PTPRM: variants seen among roughly 807,000 people sequenced by gnomAD.
PTPRM encodes the protein protein tyrosine phosphatase receptor type M.
A neutral mutation model predicts 186.7 loss-of-function variants in PTPRM; 47 were observed. The observed-to-expected ratio is 0.25, with a 90% confidence interval of 0.20 to 0.32. PTPRM has a LOEUF of 0.32. Among genes scored for constraint, PTPRM ranks in the 10% least tolerant of loss-of-function variants. The pLI is 1.00. For synonymous variants in PTPRM, 668 were observed against 674.9 expected (o/e 0.99, Z 0.16); for missense variants, 1,494 against 1,865.0 (o/e 0.80, Z 3.66).
chr18:8,276,376 A>G (rs192174323), intron 19 of PTPRM, among the ~76,000 whole-genome samples: 335 of 152,256 alleles, frequency 2.2e-3, no homozygotes, highest in Admixed American at 4.4e-3. Flanking sequence ...TCTTTACAGG[A>G]TTGTCATATG....
At chr18:8,376,266 G>A (rs143223525) in intron 25 of PTPRM, 66 bp downstream of exon 25, 22,312 of 1,578,758 alleles carry the variant, frequency 0.014, 221 homozygotes, top group Non-Finnish European at 0.017. Context: ...CCACCTTTGG[G>A]GATGATGAGT....
chr18:7,567,855 G>A lies in PTPRM; in HGVS notation c.37G>A (p.Gly13Arg), dbSNP rs1598426390. The A allele has an allele frequency of 6.4e-7, 1 of 1,563,428 alleles. No homozygotes were observed. Among genetic ancestry groups the A allele is most frequent in the Non-Finnish European group, 8.6e-7 (1 of 1,158,510 alleles). The change falls in exon 1 of 33, where the codon GGA (glycine) becomes AGA (arginine). Residue 13 changes from glycine to arginine, a missense_variant. This residue lies in a region of PTPRM where 296 missense variants were observed against 345.5 expected (regional missense o/e 0.86). Transcript: ENST00000580170. The surrounding 1 kb of genome is among the most constrained non-coding windows in gnomAD (Gnocchi z 4.3). ...TGGGACTTGCCTGGCGACTTTGGCC[G>A]GACTTTTGCTAACTGCGGCGGGCGA... ...GLGTCLATLAGLLLTAAGETF... is the reference protein window; with the variant it reads ...GLGTCLATLARLLLTAAGETF...
In PTPRM at chr18:8,021,452, A is replaced by G. The variant is rs868198416; in HGVS notation, c.1133-48234A>G. ...TGTGCCATGGTGGTTTGCTGCACCT[A>G]TCAACCCGTCATCTAGATTTTAAGC... On this transcript the variant is annotated intron_variant, in intron 7 of 32. Transcript: ENST00000580170. 9.2e-5 allele frequency among the ~76,000 whole-genome samples: 14 copies of G among 151,740 alleles called. No homozygotes were observed. The South Asian group carries it at 1.7e-3, about 18-fold the overall frequency.
At chr18:8,394,734 T>G (rs2095837425) in intron 32 of PTPRM, 123 bp downstream of exon 32, 1 of 1,082,542 alleles carries the variant, frequency 9.2e-7, no homozygotes, top group Admixed American at 3.3e-5. Context: ...AATCACAATG[T>G]AATCACTTTG....
chr18:8,311,803 G>A (rs1223145272), intron 20 of PTPRM, among the ~76,000 whole-genome samples: 1 of 152,124 alleles, frequency 6.6e-6, no homozygotes, highest in Non-Finnish European at 1.5e-5. Flanking sequence ...CTACTTCAGA[G>A]GCTCTGTTGA....
In PTPRM at chr18:8,406,761, A is replaced by T. The variant is rs1336602924; in HGVS notation, c.*599A>T. 6.6e-6 allele frequency: 1 copy of T among 152,256 alleles called. No individual in the cohort carries two copies. The highest frequency in any genetic ancestry group is 1.5e-5 in the Non-Finnish European group (1 of 68,058). The allele number at this position is 152,256 out of a possible 1,614,324, so 9.4% of individuals were successfully genotyped here. On this transcript the variant is annotated 3_prime_UTR_variant, in exon 33 of 33. Transcript: ENST00000580170. ...AGTTCACAAAATGCAAAACTCAACG[A>T]TCAGATTCACGGACCCAGAGCTTTT...
intron 7 of PTPRM, among the ~76,000 whole-genome samples, chr18:7,958,329 C>T (rs1225322434): frequency 6.6e-6 from 1 of 152,012 alleles, no homozygotes; most frequent in Non-Finnish European, 1.5e-5. Context: ...ATAATTCTCA[C>T]ATTTATTTCT....
At chr18:8,078,171 C>T (rs1434657399) in intron 9 of PTPRM, among the ~76,000 whole-genome samples, 7 of 152,172 alleles carry the variant, frequency 4.6e-5, no homozygotes, top group African/African-American at 2.4e-5. Context: ...ATGTTTTCTA[C>T]AAGTAGGAAG....
At chr18:8,330,812 C>G (rs2095408263) in intron 22 of PTPRM, among the ~76,000 whole-genome samples, 1 of 152,186 alleles carries the variant, frequency 6.6e-6, no homozygotes, top group Admixed American at 6.5e-5. Flanking sequence ...CTGTGGACAT[C>G]TGTCATGTTC....
intron 1 of PTPRM, among the ~76,000 whole-genome samples, chr18:7,696,859 T>A (rs186390262): frequency 6.6e-6 from 1 of 152,362 alleles, no homozygotes; most frequent in African/African-American, 2.4e-5. Context: ...CAGTTCATGC[T>A]GATCATCCTA....
intron 14 of PTPRM, among the ~76,000 whole-genome samples, chr18:8,212,282 G>T (rs572137799): frequency 6.6e-6 from 1 of 152,256 alleles, no homozygotes; most frequent in Admixed American, 6.5e-5. Flanking sequence ...AGAGAATGTT[G>T]TGTGCCAGTG....
intron 1 of PTPRM, among the ~76,000 whole-genome samples, chr18:7,630,180 A>AG (rs2038157845): frequency 6.6e-6 from 1 of 152,104 alleles, no homozygotes; most frequent in Non-Finnish European, 1.5e-5. Context: ...TTGAAGCCAA[A>AG]GGGGTGGATG....
chr18:7,594,254 G>A (rs78592735), intron 1 of PTPRM, among the ~76,000 whole-genome samples: 1 of 152,252 alleles, frequency 6.6e-6, no homozygotes, highest in Non-Finnish European at 1.5e-5. Flanking sequence ...AGCACTTTGG[G>A]TGGATCACCT....
At chr18:8,227,097 G>A (rs1261730957) in intron 14 of PTPRM, among the ~76,000 whole-genome samples, 2 of 152,192 alleles carry the variant, frequency 1.3e-5, no homozygotes, top group African/African-American at 4.8e-5. Flanking sequence ...ATTTTGCCAA[G>A]TAATGTACCA....
At position 7,938,139 on chromosome 18, in the gene PTPRM, A is replaced by G. The variant is rs1238611578; in HGVS notation, c.664-11042A>G. ...TTGTTTATTGTTTTTGGATCTTCTC[A>G]TTGGAGAGAGCTAAGATATCTTGGT... On this transcript the variant is annotated intron_variant, in intron 5 of 32. Coordinates refer to ENST00000580170, the MANE Select transcript of PTPRM (RefSeq NM_001105244.2). Among the ~76,000 whole-genome samples, 41 of 152,140 alleles carry G rather than the reference A, an allele frequency of 2.7e-4. 2 individuals are homozygous for G. Among genetic ancestry groups the G allele is most frequent in the Admixed American group, 2.3e-3 (35 of 15,278 alleles).
At chr18:7,882,434 C>T (rs932667160) in intron 2 of PTPRM, among the ~76,000 whole-genome samples, 1 of 151,982 alleles carries the variant, frequency 6.6e-6, no homozygotes, top group African/African-American at 2.4e-5. Context: ...CACAAATAAC[C>T]CCATAAACTA....
intron 19 of PTPRM, among the ~76,000 whole-genome samples, chr18:8,275,508 G>A (rs928648240): frequency 6.6e-6 from 1 of 152,158 alleles, no homozygotes; most frequent in East Asian, 1.9e-4. Context: ...TTATAGGTAG[G>A]TAAAGAGATT....
chr18:7,706,441 TA>T (rs902653241), intron 1 of PTPRM, among the ~76,000 whole-genome samples: 4 of 149,748 alleles, frequency 2.7e-5, no homozygotes, highest in Non-Finnish European at 5.9e-5. Flanking sequence ...TACAAAAAAA[TA>T]AAAAAAATTA....
intron 1 of PTPRM, among the ~76,000 whole-genome samples, chr18:7,677,324 G>C (rs73939332): frequency 0.023 from 3,428 of 152,288 alleles, 132 homozygotes; most frequent in African/African-American, 0.078. Context: ...AGTAATATTA[G>C]ATGTTTGTGA....
Sources: allele counts gnomAD v4.1 joint callset (sites outside exome capture counted in the v4.1 genomes callset), GRCh38; gene constraint gnomAD v4.1.1; regional missense constraint gnomAD v4.1.1; non-coding constraint Gnocchi (gnomAD v3.1); transcripts MANE v1.5; gene names NCBI Gene and HGNC (gene_info 2026-07-23, HGNC 2026-07-21).